Variants in ITGB5 observed in about 807,000 individuals in gnomAD.
ITGB5 encodes the protein integrin subunit beta 5, also known as integrin beta-5.
ITGB5 carries 38 observed loss-of-function variants against 84.8 expected under a neutral mutation model. That is an observed-to-expected ratio of 0.45 (90% confidence interval 0.35 to 0.59). The LOEUF (loss-of-function observed/expected upper bound fraction) is 0.59, where lower values mean the gene tolerates loss of function less well. Ranked by LOEUF, ITGB5 falls within the 20% of genes least tolerant of loss-of-function variation. ITGB5 has a pLI of 0.01. For missense variants in ITGB5, 905 were observed against 1,034.5 expected (o/e 0.87, Z 1.72); for synonymous variants, 393 against 414.4 (o/e 0.95, Z 0.63).
chr3:124,778,302 G>A (rs559374818), intron 10 of ITGB5, among the ~76,000 whole-genome samples: 2 of 152,312 alleles, frequency 1.3e-5, no homozygotes, highest in South Asian at 4.1e-4. Flanking sequence ...TATTTATACA[G>A]ATTTTCAGCT....
At chr3:124,840,883 C>T (rs1257727348) in intron 5 of ITGB5, among the ~76,000 whole-genome samples, 1 of 152,048 alleles carries the variant, frequency 6.6e-6, no homozygotes, top group African/African-American at 2.4e-5. Flanking sequence ...CCAGGCTGGC[C>T]TTGAACTCCT....
At position 124,796,494 on chromosome 3, in the gene ITGB5, G is replaced by A. The variant is rs1031611424; in HGVS notation, c.1587C>T (p.Ser529=). ...KPLCSGRGDC[S]CNQCSCFESE... Reference sequence around the variant, plus strand: ...TCTCGAAGCAGGAGCACTGGTTGCAGCTGCAGTCCCCACGCCCGCTGCACA... The same window carrying A: ...TCTCGAAGCAGGAGCACTGGTTGCAACTGCAGTCCCCACGCCCGCTGCACA... The change falls in exon 10 of 15, where the codon AGC becomes AGT. Residue 529 remains serine (S), a synonymous_variant. Coordinates refer to ENST00000296181, the MANE Select transcript of ITGB5 (RefSeq NM_002213.5). 6.2e-7 allele frequency: 1 copy of A among 1,613,978 alleles called. No individual in the cohort carries two copies. Among genetic ancestry groups the A allele is most frequent in the Non-Finnish European group, 8.5e-7 (1 of 1,180,008 alleles).
At chr3:124,768,440 C>T (rs561393994) in intron 12 of ITGB5, among the ~76,000 whole-genome samples, 31 of 152,318 alleles carry the variant, frequency 2.0e-4, no homozygotes, top group Non-Finnish European at 3.4e-4. Flanking sequence ...ATCAGGACAC[C>T]ACTAATGTAC....
intron 2 of ITGB5, among the ~76,000 whole-genome samples, chr3:124,867,109 C>T (rs2065402888): frequency 6.6e-6 from 1 of 152,142 alleles, no homozygotes; most frequent in Admixed American, 6.5e-5. Flanking sequence ...TTCATTGCTT[C>T]TTCTCCACAT....
chr3:124,858,224 T>C (rs1284374746), intron 3 of ITGB5, among the ~76,000 whole-genome samples: 3 of 152,086 alleles, frequency 2.0e-5, no homozygotes, highest in Non-Finnish European at 4.4e-5. Context: ...TATATTACAT[T>C]ATAAGTAATT....
intron 1 of ITGB5, among the ~76,000 whole-genome samples, chr3:124,879,785 T>C (rs1007161510): frequency 8.1e-4 from 123 of 152,142 alleles, no homozygotes; most frequent in African/African-American, 2.7e-3. Flanking sequence ...TGAATAAAAA[T>C]GAAAGAGGGA....
intron 2 of ITGB5, among the ~76,000 whole-genome samples, chr3:124,868,837 A>G (rs1006476411): frequency 5.3e-5 from 8 of 152,044 alleles, no homozygotes; most frequent in African/African-American, 1.9e-4. Flanking sequence ...AAATGAAAAA[A>G]AAAGTAAACA....
chr3:124,796,929 G>A (rs112477391), intron 9 of ITGB5, 112 bp from the exon 10 acceptor site: 15 of 1,019,834 alleles, frequency 1.5e-5, no homozygotes, highest in Admixed American at 5.6e-5. Flanking sequence ...CCCTCTCCAC[G>A]CACTCAGGTA....
chr3:124,878,791 TAAGCATTTTGAAAAGG>T (rs1360752576), intron 1 of ITGB5: 3 of 152,194 alleles, frequency 2.0e-5, no homozygotes, highest in Non-Finnish European at 4.4e-5. Context: ...TTGGCACCAA[TAAGCATTTTGAAAAGG>T]AAGGAAGCAA....
intron 2 of ITGB5, among the ~76,000 whole-genome samples, chr3:124,866,909 T>C (rs1026876557): frequency 2.0e-5 from 3 of 152,230 alleles, no homozygotes; most frequent in Admixed American, 1.3e-4. Context: ...CAAATATTTA[T>C]GAAGTGTCTA....
intron 6 of ITGB5, 36 bp from the exon 7 acceptor site, chr3:124,819,870 C>T (rs184209822): frequency 2.7e-6 from 4 of 1,465,068 alleles, no homozygotes; most frequent in East Asian, 4.5e-5. Context: ...TATGACATTC[C>T]TAACAGGTGT....
intron 5 of ITGB5, among the ~76,000 whole-genome samples, chr3:124,824,147 A>C (rs576151398): frequency 3.3e-5 from 5 of 152,238 alleles, no homozygotes; most frequent in Non-Finnish European, 7.3e-5. Flanking sequence ...GAAAAAGAAC[A>C]AAGTTGGAGG....
rs757961365 is a variant in ITGB5 at position 124,763,695 on chromosome 3, C to T, written c.2328G>A (p.Lys776=). The T allele has an allele frequency of 1.9e-6, 3 of 1,608,808 alleles. No individual in the cohort carries two copies. The highest frequency in any genetic ancestry group is 3.3e-5 in the Admixed American group (2 of 59,998). The change falls in exon 15 of 15, where the codon AAG becomes AAA. Residue 776 remains lysine, a synonymous_variant. Transcript: ENST00000296181. ...YEMASNPLYR[K]PISTHTVDFT... Reference sequence around the variant, plus strand: ...AGTCCACAGTGTGCGTGGAGATAGGCTTTCTGTATAATGGATTTGAAGCCT... The same window carrying T: ...AGTCCACAGTGTGCGTGGAGATAGGTTTTCTGTATAATGGATTTGAAGCCT...
intron 10 of ITGB5, 108 bp downstream of exon 10, chr3:124,796,280 T>C: frequency 9.8e-7 from 1 of 1,016,472 alleles, no homozygotes; most frequent in Non-Finnish European, 1.5e-6. Context: ...AGGAGAGCCA[T>C]GGTAGTGACA....
intron 3 of ITGB5, chr3:124,857,163 T>TA (rs2065231825): frequency 6.6e-6 from 1 of 152,184 alleles, no homozygotes; most frequent in South Asian, 2.1e-4. Flanking sequence ...GAGCTTTCTT[T>TA]AAAAACTCTT....
At chr3:124,890,839 G>A (rs1278373842), upstream of ITGB5, among the ~76,000 whole-genome samples, 1 of 152,100 alleles carries the variant, frequency 6.6e-6, no homozygotes, top group Admixed American at 6.5e-5. Context: ...CTTTTGCTTT[G>A]TGGTTTATGC....
chr3:124,890,686 T>C (rs1053348970), upstream of ITGB5, among the ~76,000 whole-genome samples: 3 of 152,208 alleles, frequency 2.0e-5, no homozygotes, highest in African/African-American at 7.2e-5. Flanking sequence ...CTGCCCCTGG[T>C]TCCCTTCTTA....
chr3:124,833,461 A>C (rs956694485), intron 5 of ITGB5, among the ~76,000 whole-genome samples: 4 of 152,236 alleles, frequency 2.6e-5, no homozygotes, highest in Non-Finnish European at 5.9e-5. Flanking sequence ...CAAATCCCAG[A>C]GGATAGAGAC....
At chr3:124,854,469 C>A (rs574483444) in intron 3 of ITGB5, among the ~76,000 whole-genome samples, 8 of 152,116 alleles carry the variant, frequency 5.3e-5, no homozygotes, top group Non-Finnish European at 1.0e-4. Context: ...CATGGATGAA[C>A]CTTGAAACAT....
Sources: allele counts gnomAD v4.1 joint callset (sites outside exome capture counted in the v4.1 genomes callset), GRCh38; gene constraint gnomAD v4.1.1; transcripts MANE v1.5; gene names NCBI Gene and HGNC (gene_info 2026-07-23, HGNC 2026-07-21).